CAMK1D: variants seen among roughly 807,000 people sequenced by gnomAD.
CAMK1D encodes calcium/calmodulin dependent protein kinase ID, also known as calcium/calmodulin-dependent protein kinase type 1D.
In CAMK1D, 9 loss-of-function variants were observed where a neutral mutation model predicts 47.7. The ratio of observed to expected loss-of-function variants is 0.19; its 90% CI spans 0.11 to 0.33. The LOEUF (loss-of-function observed/expected upper bound fraction) is 0.33. Ranked by LOEUF, CAMK1D falls within the 10% of genes least tolerant of loss-of-function variation. CAMK1D has a pLI of 1.00. For missense variants in CAMK1D, 291 were observed against 488.7 expected (o/e 0.60, Z 3.81); for synonymous variants, 184 against 184.9 (o/e 0.99, Z 0.04).
chr10:12,515,017 ATTT>A (rs61002392), intron 1 of CAMK1D, among the ~76,000 whole-genome samples: 22 of 147,440 alleles, frequency 1.5e-4, no homozygotes, highest in Non-Finnish European at 2.1e-4. Context: ...CACCTGGCTA[ATTT>A]TTTTTTTTTA....
At chr10:12,370,891 A>G (rs1477068235) in intron 1 of CAMK1D, among the ~76,000 whole-genome samples, 1 of 152,202 alleles carries the variant, frequency 6.6e-6, no homozygotes, top group Non-Finnish European at 1.5e-5. Context: ...TACAGGGATG[A>G]GCCACTGCAC....
intron 1 of CAMK1D, among the ~76,000 whole-genome samples, chr10:12,358,900 A>T (rs193279072): frequency 3.6e-4 from 55 of 152,322 alleles, no homozygotes; most frequent in Middle Eastern, 3.4e-3. Flanking sequence ...ATTGGGGAAG[A>T]ACACGTCAGT....
At chr10:12,795,853 T>C (rs1049009685) in intron 6 of CAMK1D, among the ~76,000 whole-genome samples, 1 of 152,214 alleles carries the variant, frequency 6.6e-6, no homozygotes, top group African/African-American at 2.4e-5. Flanking sequence ...CTTTGGGGAT[T>C]AGGACTTGCA....
At chr10:12,642,275 A>C (rs1276832710) in intron 2 of CAMK1D, among the ~76,000 whole-genome samples, 1 of 152,228 alleles carries the variant, frequency 6.6e-6, no homozygotes, top group Non-Finnish European at 1.5e-5. Context: ...CCTGGAAGTC[A>C]GGGTCAAATG....
chr10:12,601,196 T>TG (rs138105288), intron 2 of CAMK1D, among the ~76,000 whole-genome samples: 87,062 of 148,446 alleles, frequency 0.59, 26,376 homozygotes, highest in Middle Eastern at 0.72. Context: ...TTTGTTTGTT[T>TG]TTTTTTTTTT....
rs1244106828 is a variant in CAMK1D at position 12,694,383 on chromosome 10, T to C, written c.299+27573T>C. Among the ~76,000 whole-genome samples, 338 of 69,342 alleles carry C rather than the reference T, an allele frequency of 4.9e-3. 16 individuals carry two copies. The highest frequency in any genetic ancestry group is 0.016 in the South Asian group (22 of 1,416). 45.5% of individuals were successfully genotyped at this position (69,342 alleles called of 152,430 possible). On this transcript the variant is annotated intron_variant, in intron 3 of 10. Coordinates refer to ENST00000619168, the MANE Select transcript of CAMK1D (RefSeq NM_153498.4). Reference sequence around the variant, plus strand: ...TATATGTTATATATAAAATATAAAATATATATGTTATATATCATATATAAA... The same window carrying C: ...TATATGTTATATATAAAATATAAAACATATATGTTATATATCATATATAAA...
At chr10:12,529,085 G>A (rs1292370455) in intron 1 of CAMK1D, among the ~76,000 whole-genome samples, 1 of 151,942 alleles carries the variant, frequency 6.6e-6, no homozygotes, top group Non-Finnish European at 1.5e-5. Context: ...CAATCCACCC[G>A]TCTTGGTCTC....
intron 2 of CAMK1D, among the ~76,000 whole-genome samples, chr10:12,661,460 C>T (rs942370978): frequency 1.3e-5 from 2 of 152,160 alleles, no homozygotes; most frequent in Non-Finnish European, 2.9e-5. Context: ...TCCTTATTTT[C>T]TCCTCTTTTA....
chr10:12,406,061 G>A (rs1275011226), intron 1 of CAMK1D, among the ~76,000 whole-genome samples: 8 of 152,158 alleles, frequency 5.3e-5, no homozygotes, highest in Admixed American at 5.2e-4. Flanking sequence ...TTGAATGGGT[G>A]CATCAATCAA....
chr10:12,578,356 A>G (rs1035729813), intron 2 of CAMK1D, among the ~76,000 whole-genome samples: 8 of 152,136 alleles, frequency 5.3e-5, no homozygotes, highest in Non-Finnish European at 8.8e-5. Flanking sequence ...GGATCACCTG[A>G]GGTCAGGAGT....
At chr10:12,388,878 T>C (rs986119981) in intron 1 of CAMK1D, among the ~76,000 whole-genome samples, 1 of 152,194 alleles carries the variant, frequency 6.6e-6, no homozygotes, top group African/African-American at 2.4e-5. Flanking sequence ...TGGAGGCACG[T>C]CGTGCTGTTC....
At chr10:12,603,101 G>A (rs547840322) in intron 2 of CAMK1D, among the ~76,000 whole-genome samples, 72 of 151,968 alleles carry the variant, frequency 4.7e-4, no homozygotes, top group Non-Finnish European at 1.0e-3. Flanking sequence ...GGTAAAGATG[G>A]GGTTTCGCCA....
At chr10:12,736,307 A>G (rs1196562720) in intron 3 of CAMK1D, among the ~76,000 whole-genome samples, 1 of 152,154 alleles carries the variant, frequency 6.6e-6, no homozygotes, top group Non-Finnish European at 1.5e-5. Context: ...GGCGTCCCCA[A>G]GGAGTGGTAT....
At chr10:12,711,535 G>C (rs1232000946) in intron 3 of CAMK1D, among the ~76,000 whole-genome samples, 1 of 152,146 alleles carries the variant, frequency 6.6e-6, no homozygotes, top group Non-Finnish European at 1.5e-5. Context: ...TCAGAGTATG[G>C]AGATCCTAAA....
chr10:12,350,823 ATCAG>A (rs1837333012), intron 1 of CAMK1D, among the ~76,000 whole-genome samples: 1 of 152,172 alleles, frequency 6.6e-6, no homozygotes, highest in African/African-American at 2.4e-5. Context: ...CCCTCACACA[ATCAG>A]TATTTGCTCT....
chr10:12,681,946 G>A (rs1036283821), intron 3 of CAMK1D, among the ~76,000 whole-genome samples: 3 of 152,230 alleles, frequency 2.0e-5, no homozygotes, highest in Admixed American at 2.0e-4. Flanking sequence ...TTGGCTGGGT[G>A]CGGTGGCTCA....
chr10:12,365,828 C>T (rs1198594314), intron 1 of CAMK1D, among the ~76,000 whole-genome samples: 1 of 151,872 alleles, frequency 6.6e-6, no homozygotes, highest in Non-Finnish European at 1.5e-5. Context: ...TGAGGTGGAC[C>T]AATCAGTTGA....
At chr10:12,756,313 G>A (rs1475458772) in intron 3 of CAMK1D, among the ~76,000 whole-genome samples, 1 of 152,346 alleles carries the variant, frequency 6.6e-6, no homozygotes, top group Admixed American at 6.5e-5. Flanking sequence ...TCAAGATGGA[G>A]AAGTTTTGAA....
At chr10:12,549,269 A>G (rs182736045) in intron 1 of CAMK1D, among the ~76,000 whole-genome samples, 1 of 152,340 alleles carries the variant, frequency 6.6e-6, no homozygotes, top group Admixed American at 6.5e-5. Flanking sequence ...TTCTCTATGA[A>G]TTTGATGACT....
Sources: gnomAD v4.1 joint callset for allele counts (sites outside exome capture counted in the v4.1 genomes callset) on GRCh38, gnomAD v4.1.1 for gene constraint, MANE v1.5 for transcripts, NCBI Gene and HGNC (gene_info 2026-07-23, HGNC 2026-07-21) for gene names.